The following DSCAML1 variants were observed in gnomAD, a reference collection of about 807,000 sequenced individuals.
DSCAML1 encodes cell adhesion molecule DSCAML1.
A neutral mutation model predicts 200.5 loss-of-function variants in DSCAML1; 38 were observed. The observed-to-expected ratio is 0.19, with a 90% CI of 0.15 to 0.25. DSCAML1 has a LOEUF of 0.25. Ranked by LOEUF, DSCAML1 falls within the 10% of genes least tolerant of loss-of-function variation. The pLI is 1.00. For missense variants in DSCAML1, 2,223 were observed against 2,858.8 expected, an observed-to-expected ratio of 0.78 and a Z score of 5.07; for synonymous variants, 1,215 against 1,165.0, an observed-to-expected ratio of 1.04 and a Z score of -0.87.
intron 1 of DSCAML1, among the ~76,000 whole-genome samples, chr11:117,808,678 C>T (rs1019275770): frequency 6.6e-6 from 1 of 152,192 alleles, no homozygotes; most frequent in Non-Finnish European, 1.5e-5. Context: ...TTCATAAACA[C>T]TATCCACTTA....
At chr11:117,513,925 G>A (rs1230478084) in intron 8 of DSCAML1, among the ~76,000 whole-genome samples, 2 of 152,108 alleles carry the variant, frequency 1.3e-5, no homozygotes, top group African/African-American at 4.8e-5. Context: ...AGCTGGGGGA[G>A]AAGTCTCCAC....
chr11:117,811,332 C>T (rs1350217534), intron 1 of DSCAML1, among the ~76,000 whole-genome samples: 3 of 152,090 alleles, frequency 2.0e-5, no homozygotes, highest in East Asian at 3.9e-4. Context: ...AATCTGCTCC[C>T]GACATTAAAT....
At chr11:117,561,937 A>T (rs1377545908) in intron 3 of DSCAML1, among the ~76,000 whole-genome samples, 2 of 152,234 alleles carry the variant, frequency 1.3e-5, no homozygotes, top group Non-Finnish European at 2.9e-5. Flanking sequence ...TAGATGTGGC[A>T]TGAATAAATG....
chr11:117,672,102 G>GAAAAAAAAAAAAAAAAAAAAAAAAAAAAA (rs71037491), intron 3 of DSCAML1, among the ~76,000 whole-genome samples: 1 of 94,508 alleles, frequency 1.1e-5, no homozygotes, highest in African/African-American at 4.9e-5. Flanking sequence ...CTCCAGCTCA[G>GAAAAAAAAAAAAAAAAAAAAAAAAAAAAA]AAAAAAAAAA....
chr11:117,470,255 TGAA>T (rs2048657712), intron 15 of DSCAML1, among the ~76,000 whole-genome samples: 1 of 152,170 alleles, frequency 6.6e-6, no homozygotes, highest in Non-Finnish European at 1.5e-5. Flanking sequence ...TTTTAAAAGT[TGAA>T]GAGTATGAAG....
At chr11:117,601,744 C>T (rs1314322966) in intron 3 of DSCAML1, among the ~76,000 whole-genome samples, 1 of 152,220 alleles carries the variant, frequency 6.6e-6, no homozygotes, top group African/African-American at 2.4e-5. Context: ...CCCTTGAACA[C>T]ATGGGACCTG....
intron 3 of DSCAML1, among the ~76,000 whole-genome samples, chr11:117,676,765 G>A (rs566177365): frequency 2.6e-5 from 4 of 152,372 alleles, no homozygotes; most frequent in South Asian, 2.1e-4. Flanking sequence ...TCTGCTACCC[G>A]ATGGGACGGC....
chr11:117,786,495 C>T lies in DSCAML1; in HGVS notation c.47-5685G>A, dbSNP rs905041250. ...TATCCATTGCATCAACTCACTCGCT[C>T]GCCCTCCACCGCTTGCTTGGGCATC... is the stretch of plus-strand genomic sequence containing the variant. On this transcript the variant is annotated intron_variant, in intron 1 of 32. Coordinates refer to ENST00000651296, the MANE Select transcript of DSCAML1 (RefSeq NM_020693.4). Among the ~76,000 whole-genome samples, 6 of 152,180 alleles carry T rather than the reference C, an allele frequency of 3.9e-5. No homozygotes were observed. The South Asian group carries it at 8.3e-4, about 21-fold the overall frequency.
chr11:117,554,302 T>C (rs188967736), intron 3 of DSCAML1, among the ~76,000 whole-genome samples: 1 of 152,366 alleles, frequency 6.6e-6, no homozygotes, highest in East Asian at 1.9e-4. Flanking sequence ...AATGTTGTCA[T>C]GTATATTCTA....
intron 3 of DSCAML1, among the ~76,000 whole-genome samples, chr11:117,546,803 C>T (rs918607986): frequency 6.6e-6 from 1 of 152,062 alleles, no homozygotes; most frequent in Non-Finnish European, 1.5e-5. Flanking sequence ...TTTCTCTACC[C>T]CAGGATTAGC....
At chr11:117,554,362 TTATTC>T (rs2050520332) in intron 3 of DSCAML1, among the ~76,000 whole-genome samples, 1 of 151,710 alleles carries the variant, frequency 6.6e-6, no homozygotes, top group Admixed American at 6.5e-5. Context: ...CAAAAACATT[TTATTC>T]TATTATTTAT....
intron 20 of DSCAML1, among the ~76,000 whole-genome samples, chr11:117,444,482 C>G (rs1040047329): frequency 1.3e-5 from 2 of 152,156 alleles, no homozygotes; most frequent in Non-Finnish European, 2.9e-5. Context: ...TGCTCTGGCT[C>G]CCGTCACCTC....
intron 3 of DSCAML1, among the ~76,000 whole-genome samples, chr11:117,664,458 G>C (rs2052930689): frequency 6.6e-6 from 1 of 152,198 alleles, no homozygotes; most frequent in Non-Finnish European, 1.5e-5. Flanking sequence ...CAGAGATCAA[G>C]TCACATCATC....
At chr11:117,772,754 G>A (rs1170289556) in intron 3 of DSCAML1, among the ~76,000 whole-genome samples, 2 of 152,170 alleles carry the variant, frequency 1.3e-5, no homozygotes, top group Non-Finnish European at 2.9e-5. Context: ...CACTGGAGGC[G>A]TTAATTTTAA....
chr11:117,513,759 A>G (rs1028665496), intron 8 of DSCAML1, among the ~76,000 whole-genome samples: 18 of 151,800 alleles, frequency 1.2e-4, no homozygotes, highest in Non-Finnish European at 2.5e-4. Context: ...AAAAAAAAAA[A>G]AAGTCCATTT....
At chr11:117,547,328 C>T (rs1473410892) in intron 3 of DSCAML1, among the ~76,000 whole-genome samples, 2 of 152,192 alleles carry the variant, frequency 1.3e-5, no homozygotes, top group Non-Finnish European at 2.9e-5. Context: ...GGGAAAGCTA[C>T]CTCCTTGCAA....
rs562761686 is a variant in DSCAML1, at chr11:117,543,772, A to G, written c.512-11250T>C. Among the ~76,000 whole-genome samples, 56 of 151,054 alleles carry G rather than the reference A, an allele frequency of 3.7e-4. 1 individual carries two copies. The South Asian group carries it at 0.011, about 31-fold the overall frequency. ...ACAATACTTATGAAAGGCTGTTGTG[A>G]TGTATATGCACTGCATGCTTATAGG... On this transcript the variant is annotated intron_variant, in intron 3 of 32. Transcript: ENST00000651296.
intron 3 of DSCAML1, among the ~76,000 whole-genome samples, chr11:117,727,768 C>T (rs1457776657): frequency 6.6e-6 from 1 of 152,150 alleles, no homozygotes; most frequent in Admixed American, 6.5e-5. Flanking sequence ...GGTGAAGGGG[C>T]TGTCAGTGCT....
In DSCAML1 at chr11:117,524,970, G is replaced by A; in HGVS notation, c.772C>T (p.Arg258Cys). Reference sequence around the variant, plus strand: ...AGGGGCCGGCCATCCTTGAGCCAGCGGATGGCGGGGATAGGGTAGCCCGAG... The same window carrying A: ...AGGGGCCGGCCATCCTTGAGCCAGCAGATGGCGGGGATAGGGTAGCCCGAG... ...TASGYPIPAI[R>C]WLKDGRPLPA... is the part of the protein sequence containing the mutation. The change falls in exon 5 of 33, where the codon CGC (arginine) becomes TGC (cysteine). Residue 258 changes from arginine (R) to cysteine (C), a missense_variant. This residue lies in a region of DSCAML1 where 579 missense variants were observed against 721.5 expected (regional missense o/e 0.80). Coordinates refer to ENST00000651296, the MANE Select transcript of DSCAML1 (RefSeq NM_020693.4). 5 of 1,612,996 alleles carry A rather than the reference G, an allele frequency of 3.1e-6. No individual in the cohort carries two copies. The highest frequency in any genetic ancestry group is 1.1e-5 in the South Asian group (1 of 90,840).
Sources: allele counts gnomAD v4.1 joint callset (sites outside exome capture counted in the v4.1 genomes callset), GRCh38; gene constraint gnomAD v4.1.1; regional missense constraint gnomAD v4.1.1; transcripts MANE v1.5; gene names NCBI Gene and HGNC (gene_info 2026-07-23, HGNC 2026-07-21).